The following OLFML1 variants were observed in gnomAD, a reference collection of about 807,000 sequenced individuals.
OLFML1 encodes olfactomedin like 1.
OLFML1 carries 33 observed loss-of-function variants against 37.3 expected under a neutral mutation model. The observed-to-expected ratio is 0.88, with a 90% CI of 0.67 to 1.18. The LOEUF (loss-of-function observed/expected upper bound fraction) is 1.18, where lower values mean the gene tolerates loss of function less well. Among genes scored for constraint, OLFML1 ranks in the 50% most tolerant of loss-of-function variants. The pLI is 0.00. For synonymous variants in OLFML1, 186 were observed against 181.3 expected (o/e 1.03, Z -0.21); for missense variants, 545 against 483.7 (o/e 1.13, Z -1.19).
chr11:7,497,512 G>A (rs1025581019), intron 2 of OLFML1, among the ~76,000 whole-genome samples: 3 of 152,140 alleles, frequency 2.0e-5, no homozygotes, highest in African/African-American at 7.2e-5. Flanking sequence ...GCCTGTGTTG[G>A]ACTCCAGCTG....
chr11:7,504,301 A>G (rs1220949680), intron 2 of OLFML1, among the ~76,000 whole-genome samples: 1 of 152,160 alleles, frequency 6.6e-6, no homozygotes, highest in Admixed American at 6.5e-5. Flanking sequence ...ATAGAACAAA[A>G]CGAACAAGGT....
intron 2 of OLFML1, among the ~76,000 whole-genome samples, chr11:7,496,353 C>A (rs1284723470): frequency 6.6e-6 from 1 of 152,248 alleles, no homozygotes; most frequent in Admixed American, 6.5e-5. Flanking sequence ...TAAGGCTTTT[C>A]ATCTCAATGC....
chr11:7,507,924 A>G (rs963011516), intron 2 of OLFML1, among the ~76,000 whole-genome samples: 1 of 152,242 alleles, frequency 6.6e-6, no homozygotes, highest in Non-Finnish European at 1.5e-5. Context: ...GATAACTTAA[A>G]CATCAATTAA....
intron 1 of OLFML1, 58 bp from the exon 2 acceptor site, chr11:7,488,069 A>G: frequency 8.2e-7 from 1 of 1,225,716 alleles, no homozygotes; most frequent in Non-Finnish European, 1.2e-6. Context: ...AGGTATTTAT[A>G]TTATTTGGGT....
At chr11:7,501,060 T>C (rs1169555170) in intron 2 of OLFML1, among the ~76,000 whole-genome samples, 1 of 152,078 alleles carries the variant, frequency 6.6e-6, no homozygotes, top group African/African-American at 2.4e-5. Flanking sequence ...CAATGGACCT[T>C]CCCTCTTACC....
At position 7,488,364 on chromosome 11, in the gene OLFML1, T is replaced by C; in HGVS notation, c.367T>C (p.Leu123=). The C allele has an allele frequency of 6.2e-7, 1 of 1,614,090 alleles. No homozygotes were observed. The highest frequency in any genetic ancestry group is 8.5e-7 in the Non-Finnish European group (1 of 1,179,988). Residue 123 remains leucine, a synonymous_variant, in exon 2 of 3, where the codon TTG becomes CTG. Transcript: ENST00000329293. ...ESEDKTLAEM[L]LQEAEEEKKI... is the part of the protein sequence containing the mutation. ...AGAGGACAAGACACTGGCAGAAATG[T>C]TGCTCCAAGAAGCTGAAGAAGAGAA...
intron 2 of OLFML1, among the ~76,000 whole-genome samples, chr11:7,499,944 A>G (rs1166416491): frequency 6.6e-6 from 1 of 152,162 alleles, no homozygotes; most frequent in Non-Finnish European, 1.5e-5. Context: ...AGGCTAGAGT[A>G]TAGCGATGCA....
Position 7,510,444 on chromosome 11 carries a change from A to C in OLFML1, c.*256A>C. 2.4e-6 allele frequency: 1 copy of C among 423,620 alleles called. No individual in the cohort carries two copies. Among genetic ancestry groups the C allele is most frequent in the Non-Finnish European group, 4.2e-6 (1 of 235,814 alleles). The allele number at this position is 423,620 out of a possible 1,614,324, so 26.2% of individuals were successfully genotyped here. On this transcript the variant is annotated 3_prime_UTR_variant, in exon 3 of 3. Transcript: ENST00000329293. Reference sequence around the variant, plus strand: ...AACCTCCTGGCTCTCAAGGATGACCACATTCTGATACAGCCTACTTCAAGC... The same window carrying C: ...AACCTCCTGGCTCTCAAGGATGACCCCATTCTGATACAGCCTACTTCAAGC...
At chr11:7,494,892 G>T (rs1358684751) in intron 2 of OLFML1, among the ~76,000 whole-genome samples, 1 of 151,558 alleles carries the variant, frequency 6.6e-6, no homozygotes, top group African/African-American at 2.4e-5. Context: ...TTACAAACAG[G>T]CTGGTTTTAG....
intron 2 of OLFML1, among the ~76,000 whole-genome samples, chr11:7,494,009 G>T (rs117233821): frequency 1.3e-5 from 2 of 152,158 alleles, no homozygotes; most frequent in East Asian, 1.9e-4. Flanking sequence ...AAAGCACAGG[G>T]GGCAGGCATT....
intron 2 of OLFML1, among the ~76,000 whole-genome samples, chr11:7,498,932 AC>A (rs1447078520): frequency 6.6e-6 from 1 of 152,130 alleles, no homozygotes; most frequent in African/African-American, 2.4e-5. Context: ...TCTGGATCAT[AC>A]TTACAAACTC....
In OLFML1 at chr11:7,510,110, T is replaced by G; in HGVS notation, c.1131T>G (p.Asp377Glu). 6.2e-7 allele frequency: 1 copy of G among 1,614,132 alleles called. No homozygotes were observed. ...CCATGATCCATTACAACCCCAGAGA[T>G]AAGCAGCTCTATGCCTGGAATGAAG... ...SHSMIHYNPR[D>E]KQLYAWNEGN... Residue 377 changes from aspartate to glutamate, a missense_variant, in exon 3 of 3, where the codon GAT (aspartate) becomes GAG (glutamate). Transcript: ENST00000329293.
rs1423406782 is a variant in OLFML1, at chr11:7,485,566, G to C, written c.-310G>C. ...GCCAGGAAGCAGCTTGCAACCACTA[G>C]CCTGGGGAGGGTCCGCATGTGTCAA... On this transcript the variant is annotated 5_prime_UTR_variant, in exon 1 of 3. An upstream open reading frame in the 5' UTR loses its in-frame stop. Transcript: ENST00000329293. 3.6e-6 allele frequency: 1 copy of C among 279,070 alleles called. No homozygotes were observed. Among genetic ancestry groups the C allele is most frequent in the Non-Finnish European group, 6.8e-6 (1 of 147,688 alleles). The allele number at this position is 279,070 out of a possible 1,614,324, so 17.3% of individuals were successfully genotyped here. A position where few individuals can be genotyped will look rare whatever the true frequency, so the allele number is the denominator to read the frequency against.
intron 2 of OLFML1, among the ~76,000 whole-genome samples, chr11:7,498,005 A>T (rs1334953981): frequency 2.0e-5 from 3 of 152,238 alleles, no homozygotes; most frequent in Non-Finnish European, 2.9e-5. Context: ...TTGACACAGT[A>T]TGAATTGGGA....
At position 7,485,869 on chromosome 11, in the gene OLFML1, T is replaced by C; in HGVS notation, c.-7T>C. On this transcript the variant is annotated 5_prime_UTR_variant, in exon 1 of 3. Coordinates refer to ENST00000329293, the MANE Select transcript of OLFML1 (RefSeq NM_198474.4). Reference sequence around the variant, plus strand: ...ATAAGAGACTGCCCTGCTTGGTGTTTTGCAGGATGATGGTGGCCCTTCGAG... The same window carrying C: ...ATAAGAGACTGCCCTGCTTGGTGTTCTGCAGGATGATGGTGGCCCTTCGAG... 1 of 1,612,696 alleles carries C rather than the reference T, an allele frequency of 6.2e-7. No homozygotes were observed. The highest frequency in any genetic ancestry group is 1.1e-5 in the South Asian group (1 of 90,978).
Position 7,510,201 on chromosome 11 carries a change from G to A in OLFML1, c.*13G>A, listed in dbSNP as rs913354499. ...GCCTCTGAAGTAATGCATTACAGCT[G>A]TGAGAAAGAGCACTGTGGCTTTGGC... On this transcript the variant is annotated 3_prime_UTR_variant, in exon 3 of 3. Transcript: ENST00000329293. 6.3e-7 allele frequency: 1 copy of A among 1,588,654 alleles called. No homozygotes were observed. Among genetic ancestry groups the A allele is most frequent in the Admixed American group, 1.7e-5 (1 of 58,278 alleles).
Position 7,491,272 on chromosome 11 carries a change from T to A in OLFML1, c.418+2857T>A, listed in dbSNP as rs75070481. 4.9e-3 allele frequency among the ~76,000 whole-genome samples: 748 copies of A among 152,270 alleles called. 9 individuals are homozygous for A. The highest frequency in any genetic ancestry group is 0.017 in the African/African-American group (720 of 41,542). On this transcript the variant is annotated intron_variant, in intron 2 of 2. Transcript: ENST00000329293. The stretch of plus-strand genomic sequence containing the variant: ...TGGCCTATAATGCTCCTGGAGCAAT[T>A]CATTCAGTCCTCCCAGGGAGCATCT...
chr11:7,510,656 T>C lies in OLFML1; in HGVS notation c.*468T>C, dbSNP rs1848848881. 6.5e-6 allele frequency: 1 copy of C among 153,572 alleles called. No individual in the cohort carries two copies. Among genetic ancestry groups the C allele is most frequent in the Non-Finnish European group, 1.4e-5 (1 of 69,028 alleles). 9.5% of individuals were successfully genotyped at this position (153,572 alleles called of 1,614,324 possible). A position where few individuals can be genotyped will look rare whatever the true frequency, so the allele number is the denominator to read the frequency against. On this transcript the variant is annotated 3_prime_UTR_variant, in exon 3 of 3. Coordinates refer to ENST00000329293, the MANE Select transcript of OLFML1 (RefSeq NM_198474.4). Reference sequence around the variant, plus strand: ...TTTTCACTGCCCAACTAAAATACTATTAATATTTCTTTCTTTTCTTTTCTT... The same window carrying C: ...TTTTCACTGCCCAACTAAAATACTACTAATATTTCTTTCTTTTCTTTTCTT...
At position 7,510,549 on chromosome 11, in the gene OLFML1, A is replaced by G. The variant is rs1848848082; in HGVS notation, c.*361A>G. Reference sequence around the variant, plus strand: ...CAATTAGAGTTGTATGCCAGCCCCTAATATTCACCACTGGCTTTTCTCTCC... The same window carrying G: ...CAATTAGAGTTGTATGCCAGCCCCTGATATTCACCACTGGCTTTTCTCTCC... On this transcript the variant is annotated 3_prime_UTR_variant, in exon 3 of 3. Coordinates refer to ENST00000329293, the MANE Select transcript of OLFML1 (RefSeq NM_198474.4). 1 of 191,538 alleles carries G rather than the reference A, an allele frequency of 5.2e-6. No homozygotes were observed. The highest frequency in any genetic ancestry group is 1.1e-5 in the Non-Finnish European group (1 of 92,560). The allele number at this position is 191,538 out of a possible 1,614,324, so 11.9% of individuals were successfully genotyped here. A position where few individuals can be genotyped will look rare whatever the true frequency, so the allele number is the denominator to read the frequency against.
Sources: gnomAD v4.1 joint callset for allele counts (sites outside exome capture counted in the v4.1 genomes callset) on GRCh38, gnomAD v4.1.1 for gene constraint, MANE v1.5 for transcripts, NCBI Gene and HGNC (gene_info 2026-07-23, HGNC 2026-07-21) for gene names.